Variants in PARD3B observed in about 807,000 individuals in gnomAD.
PARD3B encodes par-3 family cell polarity regulator beta.
A neutral mutation model predicts 130.2 loss-of-function variants in PARD3B; 103 were observed. The observed-to-expected ratio is 0.79, with a 90% CI of 0.67 to 0.93. The LOEUF (loss-of-function observed/expected upper bound fraction) is 0.93, where lower values mean the gene tolerates loss of function less well. Ranked by LOEUF, PARD3B falls within the 40% of genes least tolerant of loss-of-function variation. PARD3B has a pLI of 0.00. For missense variants in PARD3B, 1,609 were observed against 1,499.2 expected (o/e 1.07, Z -1.21); for synonymous variants, 583 against 553.2 (o/e 1.05, Z -0.76).
At chr2:204,590,938 G>A (rs2033047610) in intron 1 of PARD3B, among the ~76,000 whole-genome samples, 1 of 152,166 alleles carries the variant, frequency 6.6e-6, no homozygotes, top group South Asian at 2.1e-4. Flanking sequence ...GATAGGCAGT[G>A]AGACTTTTTC....
chr2:205,090,804 C>T (rs1367654269), intron 4 of PARD3B, among the ~76,000 whole-genome samples: 1 of 152,154 alleles, frequency 6.6e-6, no homozygotes, highest in East Asian at 1.9e-4. Flanking sequence ...CAGTGATGCA[C>T]ATGCTATGGG....
chr2:205,044,654 T>C (rs1698640776), intron 3 of PARD3B, among the ~76,000 whole-genome samples: 1 of 152,186 alleles, frequency 6.6e-6, no homozygotes, highest in Non-Finnish European at 1.5e-5. Flanking sequence ...GATGGGGTTG[T>C]TTTTTTCTTG....
At chr2:205,165,196 T>G (rs1412893308) in intron 11 of PARD3B, among the ~76,000 whole-genome samples, 1 of 151,630 alleles carries the variant, frequency 6.6e-6, no homozygotes, top group Non-Finnish European at 1.5e-5. Context: ...GAGCAGAAAA[T>G]CAGGAAGGAG....
intron 14 of PARD3B, among the ~76,000 whole-genome samples, chr2:205,191,862 G>C (rs1005443314): frequency 6.6e-6 from 1 of 152,084 alleles, no homozygotes; most frequent in Admixed American, 6.6e-5. Flanking sequence ...CTTTCTGGGG[G>C]AGGGTGGAGG....
intron 2 of PARD3B, among the ~76,000 whole-genome samples, chr2:204,945,781 T>A (rs1689270318): frequency 6.6e-6 from 1 of 152,208 alleles, no homozygotes; most frequent in African/African-American, 2.4e-5. Flanking sequence ...GGCAAGACAT[T>A]CAAGGTCCTT....
intron 16 of PARD3B, among the ~76,000 whole-genome samples, chr2:205,251,578 AAAT>A (rs528058616): frequency 2.6e-4 from 40 of 152,236 alleles, no homozygotes; most frequent in Non-Finnish European, 4.0e-4. Flanking sequence ...ATGAGTTATT[AAAT>A]GACATTTCAT....
rs1330149164 is a variant in PARD3B, at chr2:205,183,033, C to T, written c.1925-2731C>T. On this transcript the variant is annotated intron_variant, in intron 13 of 22. Coordinates refer to ENST00000406610, the MANE Select transcript of PARD3B (RefSeq NM_001302769.2). The surrounding 1 kb of genome is among the most constrained non-coding windows in gnomAD (Gnocchi z 5.2). ...AGAGGAAGAGCACGGATAGAGTGGG[C>T]ACTGGTCTTCTTGGCCACTGTTATA... is the stretch of plus-strand genomic sequence containing the variant. Among the ~76,000 whole-genome samples, 1 of 152,140 alleles carries T rather than the reference C, an allele frequency of 6.6e-6. No individual in the cohort carries two copies. The highest frequency in any genetic ancestry group is 2.4e-5 in the African/African-American group (1 of 41,416).
intron 2 of PARD3B, among the ~76,000 whole-genome samples, chr2:204,863,954 C>T (rs1328602644): frequency 1.3e-5 from 2 of 151,994 alleles, no homozygotes; most frequent in Non-Finnish European, 2.9e-5. Context: ...TGTCAATCCC[C>T]ATGGTTTATA....
intron 2 of PARD3B, among the ~76,000 whole-genome samples, chr2:204,905,891 C>A (rs1382768736): frequency 2.0e-5 from 3 of 152,106 alleles, no homozygotes; most frequent in Non-Finnish European, 4.4e-5. Flanking sequence ...CACCTGAAAA[C>A]ATTCCTAGAA....
In PARD3B at chr2:204,606,411, G is replaced by C. The variant is rs73057300; in HGVS notation, c.120+60292G>C. ...ATAAGGGGATCTGTTGACTGTATCA[G>C]TCAGGGTCCCTGGCTGATGAAGGCT... On this transcript the variant is annotated intron_variant, in intron 1 of 22. Transcript: ENST00000406610. This position sits in a 1 kb window ranked among gnomAD's most constrained non-coding sequence, Gnocchi z 4.0. 7.5e-3 allele frequency among the ~76,000 whole-genome samples: 1,141 copies of C among 152,230 alleles called. 15 individuals carry two copies. The highest frequency in any genetic ancestry group is 0.026 in the African/African-American group (1,088 of 41,552).
intron 3 of PARD3B, among the ~76,000 whole-genome samples, chr2:205,018,484 T>C (rs1440377113): frequency 1.3e-5 from 2 of 152,054 alleles, no homozygotes; most frequent in Non-Finnish European, 2.9e-5. Flanking sequence ...ATAAGAGCAT[T>C]GGACTTGATG....
At chr2:204,642,519 G>A (rs2035113370) in intron 1 of PARD3B, among the ~76,000 whole-genome samples, 1 of 152,066 alleles carries the variant, frequency 6.6e-6, no homozygotes, top group South Asian at 2.1e-4. Context: ...ATGATGCTAG[G>A]GACATTTCTG....
At chr2:205,135,214 C>T (rs1180075314) in intron 10 of PARD3B, among the ~76,000 whole-genome samples, 1 of 152,184 alleles carries the variant, frequency 6.6e-6, no homozygotes, top group Non-Finnish European at 1.5e-5. Context: ...TTTAGGCCAG[C>T]TGTTGATTTG....
At chr2:205,428,082 C>T (rs899483884) in intron 19 of PARD3B, among the ~76,000 whole-genome samples, 1 of 152,072 alleles carries the variant, frequency 6.6e-6, no homozygotes, top group Non-Finnish European at 1.5e-5. Flanking sequence ...GATTAGCGTC[C>T]ATATAAAAGT....
intron 2 of PARD3B, among the ~76,000 whole-genome samples, chr2:204,706,917 C>T (rs1559075357): frequency 1.3e-5 from 2 of 151,892 alleles, no homozygotes; most frequent in African/African-American, 4.8e-5. Flanking sequence ...TAGTTTGTGC[C>T]AAATGTACAA....
chr2:204,602,809 G>A (rs1047373996), intron 1 of PARD3B, among the ~76,000 whole-genome samples: 75 of 152,000 alleles, frequency 4.9e-4, no homozygotes, highest in African/African-American at 1.8e-3. Flanking sequence ...AGTGTCTCCC[G>A]ACCACTCATT....
chr2:205,599,924 C>T (rs1301483210), intron 22 of PARD3B, among the ~76,000 whole-genome samples: 1 of 152,174 alleles, frequency 6.6e-6, no homozygotes, highest in African/African-American at 2.4e-5. Flanking sequence ...CCTATGGTTA[C>T]AGTATTACCA....
chr2:205,468,315 C>T (rs2048704088), intron 20 of PARD3B, among the ~76,000 whole-genome samples: 1 of 152,210 alleles, frequency 6.6e-6, no homozygotes, highest in African/African-American at 2.4e-5. Context: ...ATAGATATTT[C>T]ACTATTGTAG....
chr2:205,538,549 T>C (rs2051971346), intron 21 of PARD3B, among the ~76,000 whole-genome samples: 1 of 152,194 alleles, frequency 6.6e-6, no homozygotes, highest in Non-Finnish European at 1.5e-5. Flanking sequence ...CTTGTATACA[T>C]ATAGTGTAAA....
Sources: gnomAD v4.1 joint callset for allele counts (sites outside exome capture counted in the v4.1 genomes callset) on GRCh38, gnomAD v4.1.1 for gene constraint, Gnocchi (gnomAD v3.1) non-coding constraint, MANE v1.5 for transcripts, NCBI Gene and HGNC (gene_info 2026-07-23, HGNC 2026-07-21) for gene names.